The following KCNH6 variants were observed in gnomAD, a reference collection of about 807,000 sequenced individuals.
The protein encoded by KCNH6 is voltage-gated inwardly rectifying potassium channel KCNH6.
Under a neutral mutation model 83.4 loss-of-function variants are expected in KCNH6, and 81 were observed. That is an observed-to-expected ratio of 0.97 (90% CI 0.81 to 1.17). The LOEUF is 1.17. Among genes scored for constraint, KCNH6 ranks in the 50% most tolerant of loss-of-function variants. The probability of loss-of-function intolerance (pLI) is 0.00; values close to 1 mark genes in which losing one functional copy is unlikely to be tolerated. For synonymous variants in KCNH6, 503 were observed against 545.6 expected, an observed-to-expected ratio of 0.92 and a Z score of 1.09; for missense variants, 1,203 against 1,290.5, an observed-to-expected ratio of 0.93 and a Z score of 1.04.
chr17:63,524,987 C>G (rs537139239), intron 2 of KCNH6, among the ~76,000 whole-genome samples: 28 of 152,152 alleles, frequency 1.8e-4, no homozygotes, highest in Non-Finnish European at 3.7e-4. Context: ...TCCCCCACCC[C>G]CCAGGACCAC....
chr17:63,523,631 C>A lies in KCNH6; in HGVS notation c.76+142C>A. On this transcript the variant is annotated intron_variant, in intron 1 of 12. Coordinates refer to ENST00000314672, the MANE Select transcript of KCNH6 (RefSeq NM_001278919.2). The surrounding 1 kb of genome is among the most constrained non-coding windows in gnomAD (Gnocchi z 4.2). ...ATGAAAAATCCTTCTTTTGATGTCC[C>A]CAACACCTTCTCCTCCAGGGGGACC... 1 of 679,346 alleles carries A rather than the reference C, an allele frequency of 1.5e-6. No homozygotes were observed. The highest frequency in any genetic ancestry group is 2.4e-6 in the Non-Finnish European group (1 of 416,386). 42.1% of individuals were successfully genotyped at this position (679,346 alleles called of 1,614,324 possible). A position where few individuals can be genotyped will look rare whatever the true frequency, so the allele number is the denominator to read the frequency against.
intron 2 of KCNH6, among the ~76,000 whole-genome samples, chr17:63,524,987 C>T (rs537139239): frequency 6.6e-6 from 1 of 152,152 alleles, no homozygotes; most frequent in African/African-American, 2.4e-5. Flanking sequence ...TCCCCCACCC[C>T]CCAGGACCAC....
At position 63,544,170 on chromosome 17, in the gene KCNH6, G is replaced by A. The variant is rs765103295; in HGVS notation, c.2234-79G>A. ...TGTGTCCCCAGGGCAGGTAGGGGGT[G>A]GGGGACAGGCTCTATTGAGAAGGGT... is the stretch of plus-strand genomic sequence containing the variant. On this transcript the variant is annotated intron_variant, in intron 10 of 12. Coordinates refer to ENST00000314672, the MANE Select transcript of KCNH6 (RefSeq NM_001278919.2). 7 of 1,601,650 alleles carry A rather than the reference G, an allele frequency of 4.4e-6. No individual in the cohort carries two copies. The Admixed American group carries it at 5.0e-5, about 12-fold the overall frequency.
rs544856060 is a variant in KCNH6 at position 63,532,387 on chromosome 17, G to A, written c.676-1499G>A. ...AGGACCTGCAGTTGAGAGCCCATGT[G>A]GACCAAGAGCTGGGCACACAGCGGG... On this transcript the variant is annotated intron_variant, in intron 4 of 12. Transcript: ENST00000314672. Among the ~76,000 whole-genome samples, 7 of 152,322 alleles carry A rather than the reference G, an allele frequency of 4.6e-5. No homozygotes were observed. In the South Asian group the frequency reaches 1.2e-3, roughly 27 times the overall value.
intron 6 of KCNH6, among the ~76,000 whole-genome samples, 177 bp from the exon 7 acceptor site, chr17:63,537,888 A>T (rs894729086): frequency 2.0e-5 from 3 of 152,338 alleles, no homozygotes; most frequent in Middle Eastern, 3.4e-3. Context: ...GGAGGGCAGA[A>T]AGCCCAGGGG....
chr17:63,524,196 A>G lies in KCNH6; in HGVS notation c.134A>G (p.Asn45Ser). 3 of 1,614,204 alleles carry G rather than the reference A, an allele frequency of 1.9e-6. No homozygotes were observed. The highest frequency in any genetic ancestry group is 2.5e-6 in the Non-Finnish European group (3 of 1,180,040). Residue 45 changes from asparagine (N) to serine (S), a missense_variant, in exon 2 of 13, where the codon AAC becomes AGC. Physicochemically the swap from Asn to Ser is conservative, Grantham distance 46. Transcript: ENST00000314672. Reference sequence around the variant, plus strand: ...GAGAACTGCGCCATCATTTACTGCAACGACGGCTTCTGCGAACTCTTCGGC... The same window carrying G: ...GAGAACTGCGCCATCATTTACTGCAGCGACGGCTTCTGCGAACTCTTCGGC... ...QMENCAIIYC[N>S]DGFCELFGYS...
In KCNH6 at chr17:63,533,525, C is replaced by G. The variant is rs372759333; in HGVS notation, c.676-361C>G. On this transcript the variant is annotated intron_variant, in intron 4 of 12. Transcript: ENST00000314672. The surrounding 1 kb of genome is among the most constrained non-coding windows in gnomAD (Gnocchi z 4.1). ...CCATCAGCTACCCCTTCTGTGGGCT[C>G]TTGTGTGGAATGGGTCTATAGATGT... Among the ~76,000 whole-genome samples, 1 of 152,210 alleles carries G rather than the reference C, an allele frequency of 6.6e-6. No homozygotes were observed. The highest frequency in any genetic ancestry group is 2.1e-4 in the South Asian group (1 of 4,824).
chr17:63,547,119 G>C (rs140274362), downstream of KCNH6, among the ~76,000 whole-genome samples: 19 of 152,256 alleles, frequency 1.2e-4, no homozygotes, highest in East Asian at 3.1e-3. Flanking sequence ...AACATGAGGG[G>C]GATTTCTGAG....
chr17:63,534,749 C>A lies in KCNH6; in HGVS notation c.1101+438C>A, dbSNP rs942043973. ...TAGGTGACGTGAAGGCATCTACATG[C>A]CTTTCTCATAGCTTCCAGTCCCACG... On this transcript the variant is annotated intron_variant, in intron 5 of 12. Coordinates refer to ENST00000314672, the MANE Select transcript of KCNH6 (RefSeq NM_001278919.2). This position sits in a 1 kb window ranked among gnomAD's most constrained non-coding sequence, Gnocchi z 5.0. Among the ~76,000 whole-genome samples, 2 of 152,142 alleles carry A rather than the reference C, an allele frequency of 1.3e-5. No individual in the cohort carries two copies. The highest frequency in any genetic ancestry group is 2.9e-5 in the Non-Finnish European group (2 of 68,014).
At chr17:63,524,835 G>A (rs2031596772) in intron 2 of KCNH6, among the ~76,000 whole-genome samples, 1 of 152,206 alleles carries the variant, frequency 6.6e-6, no homozygotes, top group South Asian at 2.1e-4. Context: ...GCTCTTTGGG[G>A]AGACAGGGTC....
At chr17:63,530,698 G>A (rs2032048399) in intron 4 of KCNH6, among the ~76,000 whole-genome samples, 156 bp downstream of exon 4, 1 of 152,212 alleles carries the variant, frequency 6.6e-6, no homozygotes, top group African/African-American at 2.4e-5. Context: ...CTCCTGTCCT[G>A]TTTGAGACCT....
Position 63,545,635 on chromosome 17 carries a change from CTG to C in KCNH6, c.2612_2613del (p.Cys871Ter). ...CCCCAAGCTATGGAGACTTGGATGA[CTG>C]TAGTCCAAAGCACAGGAACTCCTCC... ...QTPSYGDLDD[C>X]SPKHRNSSPR... On this transcript the variant is annotated frameshift_variant, in exon 13 of 13. Transcript: ENST00000314672. LOFTEE classifies it low-confidence loss of function (END_TRUNC). The C allele has an allele frequency of 6.2e-7, 1 of 1,613,862 alleles. No individual in the cohort carries two copies.
chr17:63,537,020 G>A (rs571397138), intron 6 of KCNH6, among the ~76,000 whole-genome samples: 1 of 151,604 alleles, frequency 6.6e-6, no homozygotes, highest in East Asian at 1.9e-4. Flanking sequence ...CCAAATGCAG[G>A]GCTCTTAGCA....
chr17:63,542,135 C>A, intron 8 of KCNH6, 106 bp from the exon 9 acceptor site: 1 of 1,199,728 alleles, frequency 8.3e-7, no homozygotes, highest in East Asian at 2.5e-5. Flanking sequence ...GCAGCAGGCC[C>A]CGGCCTAGAA....
rs758150359 is a variant in KCNH6 at position 63,530,556 on chromosome 17, G to A, written c.675+14G>A. On this transcript the variant is annotated intron_variant, in intron 4 of 12. Transcript: ENST00000314672. Reference sequence around the variant, plus strand: ...AAGGTCACCCAGGTGCGGGCCTGCAGAGCAGGGTGTGCAGAGCTGTGCCAG... The same window carrying A: ...AAGGTCACCCAGGTGCGGGCCTGCAAAGCAGGGTGTGCAGAGCTGTGCCAG... 6 of 1,613,062 alleles carry A rather than the reference G, an allele frequency of 3.7e-6. No individual in the cohort carries two copies. The highest frequency in any genetic ancestry group is 1.1e-5 in the South Asian group (1 of 90,994).
Position 63,530,199 on chromosome 17 carries a change from G to A in KCNH6, c.416G>A (p.Cys139Tyr). 3 of 1,614,086 alleles carry A rather than the reference G, an allele frequency of 1.9e-6. No homozygotes were observed. The South Asian group carries it at 3.3e-5, about 18-fold the overall frequency. Reference sequence around the variant, plus strand: ...GACCTGGCCCAGCTCCTGGCCAAGTGCAGCAGCCGCAGCTTGTCCCAGCGC... The same window carrying A: ...GACCTGGCCCAGCTCCTGGCCAAGTACAGCAGCCGCAGCTTGTCCCAGCGC... ...FEDLAQLLAKCSSRSLSQRLL... is the reference protein window; with the variant it reads ...FEDLAQLLAKYSSRSLSQRLL... Residue 139 changes from cysteine to tyrosine, a missense_variant, in exon 3 of 13, where the codon TGC becomes TAC. Transcript: ENST00000314672.
intron 2 of KCNH6, among the ~76,000 whole-genome samples, chr17:63,525,033 C>T (rs528061203): frequency 1.4e-4 from 22 of 152,294 alleles, no homozygotes; most frequent in African/African-American, 3.1e-4. Context: ...TGGGTGGGAA[C>T]GAGGAAAAGA....
chr17:63,530,599 C>T, intron 4 of KCNH6, 57 bp downstream of exon 4: 5 of 1,533,446 alleles, frequency 3.3e-6, no homozygotes, highest in Non-Finnish European at 4.5e-6. Flanking sequence ...GGGTCCCCTC[C>T]CAGGCTCTGG....
In KCNH6 at chr17:63,535,697, C is replaced by A; in HGVS notation, c.1130C>A (p.Thr377Lys). ...ETTTLIGLLK[T>K]ARLLRLVRVA... ...ACAACCCTGATTGGGCTATTGAAGA[C>A]AGCGCGGCTGCTGCGGCTGGTGCGC... is the stretch of plus-strand genomic sequence containing the variant. The change falls in exon 6 of 13, where the codon ACA becomes AAA. Residue 377 changes from threonine to lysine, a missense_variant. Thr to Lys is a moderately conservative substitution (Grantham distance 78, BLOSUM62 -1). Transcript: ENST00000314672. This position sits in a 1 kb window ranked among gnomAD's most constrained non-coding sequence, Gnocchi z 4.9. The A allele has an allele frequency of 6.2e-7, 1 of 1,612,098 alleles. No individual in the cohort carries two copies. Among genetic ancestry groups the A allele is most frequent in the South Asian group, 1.1e-5 (1 of 90,796 alleles).
Sources: gnomAD v4.1 joint callset for allele counts (sites outside exome capture counted in the v4.1 genomes callset) on GRCh38, gnomAD v4.1.1 for gene constraint, Gnocchi (gnomAD v3.1) non-coding constraint, MANE v1.5 for transcripts, NCBI Gene and HGNC (gene_info 2026-07-23, HGNC 2026-07-21) for gene names.